The following SAMD3 variants were observed in gnomAD, a reference collection of about 807,000 sequenced individuals.
SAMD3 encodes sterile alpha motif domain-containing protein 3.
In SAMD3, 63 loss-of-function variants were observed where a neutral mutation model predicts 58.5. The ratio of observed to expected loss-of-function variants is 1.08; its 90% CI spans 0.88 to 1.33. The LOEUF (loss-of-function observed/expected upper bound fraction) is 1.33, where lower values mean the gene tolerates loss of function less well. SAMD3 is among the 40% of genes most tolerant of loss of function. The pLI is 0.00. For synonymous variants in SAMD3, 220 were observed against 210.3 expected (o/e 1.05, Z -0.40); for missense variants, 604 against 608.4 (o/e 0.99, Z 0.08).
intron 5 of SAMD3, among the ~76,000 whole-genome samples, chr6:130,195,180 C>A (rs1793975893): frequency 6.6e-6 from 1 of 152,110 alleles, no homozygotes; most frequent in African/African-American, 2.4e-5. Flanking sequence ...CCCTTCTCCC[C>A]AACCCAAAGC....
intron 8 of SAMD3, 143 bp downstream of exon 8, chr6:130,175,698 G>A (rs1299121106): frequency 2.0e-6 from 1 of 510,418 alleles, no homozygotes; most frequent in Non-Finnish European, 3.3e-6. Flanking sequence ...AGGCAAAACA[G>A]ACTTTCTTGG....
At chr6:130,361,183 G>A (rs1247993724) in intron 1 of SAMD3, among the ~76,000 whole-genome samples, 3 of 152,158 alleles carry the variant, frequency 2.0e-5, no homozygotes, top group African/African-American at 7.2e-5. Context: ...ATTGATTGGG[G>A]AAGTGATAAG....
chr6:130,295,397 T>A (rs1775537726), intron 2 of SAMD3, among the ~76,000 whole-genome samples: 1 of 152,198 alleles, frequency 6.6e-6, no homozygotes, highest in South Asian at 2.1e-4. Context: ...GGGTTCTTTT[T>A]GTCTATCTGC....
At chr6:130,328,373 A>G (rs1484444703) in intron 1 of SAMD3, among the ~76,000 whole-genome samples, 1 of 152,156 alleles carries the variant, frequency 6.6e-6, no homozygotes, top group African/African-American at 2.4e-5. Flanking sequence ...GGCTCTGGCT[A>G]GGGTCCTGTT....
chr6:130,246,498 A>G (rs1773550185), intron 2 of SAMD3, among the ~76,000 whole-genome samples: 1 of 142,664 alleles, frequency 7.0e-6, no homozygotes, highest in African/African-American at 3.0e-5. Context: ...ATGCCTTGGC[A>G]CTTGTATTGG....
At position 130,221,076 on chromosome 6, in the gene SAMD3, G is replaced by C. The variant is rs181006892; in HGVS notation, c.-68+1618C>G. 4.5e-4 allele frequency among the ~76,000 whole-genome samples: 69 copies of C among 151,992 alleles called. No individual in the cohort carries two copies. The South Asian group carries it at 5.4e-3, about 12-fold the overall frequency. On this transcript the variant is annotated intron_variant, in intron 1 of 11. Coordinates refer to ENST00000439090, the MANE Select transcript of SAMD3 (RefSeq NM_001017373.4). The stretch of plus-strand genomic sequence containing the variant: ...TCACTGTGTTAGCCAGGATGGTCTC[G>C]ATCTCCTGACCTTGTGATCTGCCCA...
chr6:130,177,072 G>T (rs545209390), intron 7 of SAMD3, among the ~76,000 whole-genome samples: 6 of 152,218 alleles, frequency 3.9e-5, no homozygotes, highest in African/African-American at 1.4e-4. Context: ...CTAAAGCAAT[G>T]GTTCTCAAAA....
At chr6:130,163,740 G>C (rs528911071) in intron 8 of SAMD3, among the ~76,000 whole-genome samples, 7 of 152,152 alleles carry the variant, frequency 4.6e-5, no homozygotes, top group Admixed American at 6.5e-5. Flanking sequence ...TTATGTGTCA[G>C]GCCTAGTAAA....
At chr6:130,216,491 T>C (rs1796011302) in intron 2 of SAMD3, 80 bp downstream of exon 2, 1 of 152,216 alleles carries the variant, frequency 6.6e-6, no homozygotes, top group Non-Finnish European at 1.5e-5. Context: ...TATTGTTGTA[T>C]TTCTCATTTT....
intron 2 of SAMD3, among the ~76,000 whole-genome samples, chr6:130,249,499 T>TA (rs1353350301): frequency 1.3e-5 from 2 of 152,184 alleles, no homozygotes; most frequent in Admixed American, 6.5e-5. Flanking sequence ...CATCTGTACT[T>TA]ACGGCAGCTT....
At chr6:130,258,190 A>G (rs1773990413) in intron 2 of SAMD3, among the ~76,000 whole-genome samples, 1 of 152,150 alleles carries the variant, frequency 6.6e-6, no homozygotes. Context: ...TGATATAAAT[A>G]TAGTCATGCC....
At chr6:130,193,925 C>G (rs1793820967) in intron 5 of SAMD3, among the ~76,000 whole-genome samples, 1 of 152,080 alleles carries the variant, frequency 6.6e-6, no homozygotes, top group South Asian at 2.1e-4. Context: ...CCTCCTGTCC[C>G]CTCAGTCCCA....
intron 8 of SAMD3, among the ~76,000 whole-genome samples, chr6:130,174,460 C>T (rs1359804938): frequency 6.6e-6 from 1 of 152,136 alleles, no homozygotes; most frequent in Non-Finnish European, 1.5e-5. Context: ...AATGCCTCAC[C>T]CAGCTTCTGT....
chr6:130,235,543 A>T (rs1178930193), intron 2 of SAMD3, among the ~76,000 whole-genome samples: 1 of 152,304 alleles, frequency 6.6e-6, no homozygotes, highest in African/African-American at 2.4e-5. Flanking sequence ...AGTCAAAAAA[A>T]CTAAAAGGAA....
At chr6:130,237,090 A>G (rs1008169725) in intron 2 of SAMD3, among the ~76,000 whole-genome samples, 3 of 144,186 alleles carry the variant, frequency 2.1e-5, no homozygotes, top group Non-Finnish European at 4.4e-5. Flanking sequence ...ACTATGTACT[A>G]CATTAATTAA....
intron 8 of SAMD3, among the ~76,000 whole-genome samples, chr6:130,155,906 C>T (rs759734664): frequency 3.3e-5 from 5 of 152,088 alleles, no homozygotes; most frequent in Non-Finnish European, 7.4e-5. Context: ...GAAGAAGTTC[C>T]TATAATCTTA....
At chr6:130,226,742 C>T (rs7747000), upstream of SAMD3, among the ~76,000 whole-genome samples, 4 of 152,064 alleles carry the variant, frequency 2.6e-5, no homozygotes, top group East Asian at 1.9e-4. Flanking sequence ...GCAGGAGAAT[C>T]GCTTGAACCT....
upstream of SAMD3, among the ~76,000 whole-genome samples, chr6:130,225,816 T>C (rs1280980536): frequency 6.6e-6 from 1 of 152,232 alleles, no homozygotes; most frequent in Non-Finnish European, 1.5e-5. Context: ...TAACTTGTCA[T>C]TTCAAACTCC....
intron 9 of SAMD3, among the ~76,000 whole-genome samples, chr6:130,151,030 A>C (rs1307303120): frequency 1.3e-5 from 2 of 152,040 alleles, no homozygotes; most frequent in African/African-American, 4.8e-5. Context: ...TATTAGCAAC[A>C]CTGTGTGAAG....
Sources: allele counts gnomAD v4.1 joint callset (sites outside exome capture counted in the v4.1 genomes callset), GRCh38; gene constraint gnomAD v4.1.1; transcripts MANE v1.5; gene names NCBI Gene and HGNC (gene_info 2026-07-23, HGNC 2026-07-21).